Variants in NAA38 observed in about 807,000 individuals in gnomAD.
The protein encoded by NAA38 is LSM domain containing 1.
NAA38 carries 15 observed loss-of-function variants against 12.6 expected under a neutral mutation model. That is an observed-to-expected ratio of 1.19 (90% CI 0.79 to 1.83). NAA38 has a LOEUF of 1.83. NAA38 is among the 40% of genes most tolerant of loss of function. The pLI, the probability that NAA38 is intolerant of heterozygous loss-of-function variation, is 0.00. For missense variants in NAA38, 183 were observed against 171.7 expected, an observed-to-expected ratio of 1.07 and a Z score of -0.37; for synonymous variants, 88 against 69.9, an observed-to-expected ratio of 1.26 and a Z score of -1.29.
At chr17:7,883,396 A>T (rs1418079576) in intron 1 of NAA38, 1 of 152,198 alleles carries the variant, frequency 6.6e-6, no homozygotes, top group South Asian at 2.1e-4. Flanking sequence ...TTTCCTCTTT[A>T]TCCTAAAAAT....
At chr17:7,867,323 A>AATT (rs61184511) in intron 2 of NAA38, among the ~76,000 whole-genome samples, 2 of 151,134 alleles carry the variant, frequency 1.3e-5, no homozygotes, top group Non-Finnish European at 2.9e-5. Context: ...TATAGTGTAC[A>AATT]GAGTTAAGTG....
chr17:7,877,144 G>T, intron 2 of NAA38: 1 of 318,706 alleles, frequency 3.1e-6, no homozygotes, highest in South Asian at 2.3e-5. Context: ...CGTAATCAAT[G>T]AAGCTACTTA....
intron 2 of NAA38, among the ~76,000 whole-genome samples, chr17:7,876,328 C>T (rs545494511): frequency 6.6e-6 from 1 of 152,182 alleles, no homozygotes; most frequent in Non-Finnish European, 1.5e-5. Flanking sequence ...ACTTGAACAA[C>T]TTGTTTTTCT....
upstream of NAA38, chr17:7,857,580 C>A (rs1029117624): frequency 1.7e-5 from 24 of 1,394,382 alleles, no homozygotes; most frequent in Non-Finnish European, 2.1e-5. Flanking sequence ...CTCTCCTCCC[C>A]CTCCTAGTCT....
upstream of NAA38, chr17:7,885,305 C>T (rs1280265178): frequency 2.2e-4 from 41 of 188,112 alleles, no homozygotes; most frequent in Admixed American, 4.5e-4. Context: ...CCGCACCCCT[C>T]CCCCGCCGCC....
At chr17:7,858,990 G>A, upstream of NAA38, 2 of 620,986 alleles carry the variant, frequency 3.2e-6, no homozygotes. Context: ...CCAGGGTTGG[G>A]AATTCTAGGA....
upstream of NAA38, chr17:7,859,703 C>A: frequency 8.5e-7 from 1 of 1,181,392 alleles, no homozygotes; most frequent in South Asian, 1.3e-5. Context: ...CCGAGGGGTG[C>A]CTGGACCCAG....
chr17:7,857,279 G>T, intron 1 of NAA38, 81 bp from the exon 2 acceptor site: 1 of 1,610,306 alleles, frequency 6.2e-7, no homozygotes, highest in Non-Finnish European at 8.5e-7. Flanking sequence ...CAGCCCGCGG[G>T]GCACTCACAC....
In NAA38 at chr17:7,856,844, C is replaced by A. The variant is rs1367610199; in HGVS notation, c.266-1G>T. 6.2e-7 allele frequency: 1 copy of A among 1,613,580 alleles called. No individual in the cohort carries two copies. Among genetic ancestry groups the A allele is most frequent in the Admixed American group, 1.7e-5 (1 of 60,018 alleles). On this transcript the variant is annotated splice_acceptor_variant, in intron 2 of 2. Transcript: ENST00000575771. LOFTEE classifies it high-confidence loss of function. Reference sequence around the variant, plus strand: ...CGGGGCTCCCCGGCAGAGAAGGAATCTGGAAAGAAGGATCAGAGCATCAGG... The same window carrying A: ...CGGGGCTCCCCGGCAGAGAAGGAATATGGAAAGAAGGATCAGAGCATCAGG...
intron 3 of NAA38, chr17:7,865,877 G>A (rs929538099): frequency 3.9e-5 from 6 of 152,092 alleles, no homozygotes; most frequent in African/African-American, 1.4e-4. Context: ...GAAAGCCTAG[G>A]TTGGAATCTT....
chr17:7,880,252 T>A (rs1403701513), intron 2 of NAA38, among the ~76,000 whole-genome samples: 1 of 149,022 alleles, frequency 6.7e-6, no homozygotes, highest in East Asian at 2.0e-4. Context: ...AGAATAGAGA[T>A]CAAGACAGAC....
chr17:7,876,003 C>A (rs747549501), intron 2 of NAA38, among the ~76,000 whole-genome samples: 6 of 152,096 alleles, frequency 3.9e-5, no homozygotes, highest in Non-Finnish European at 7.4e-5. Flanking sequence ...AATAATATTC[C>A]ATTGTATGGA....
rs534463427 is a variant in NAA38 at position 7,866,397 on chromosome 17, T to C, written c.3+94A>G. 7.3e-4 allele frequency: 778 copies of C among 1,060,580 alleles called. 1 individual carries two copies. Among genetic ancestry groups the C allele is most frequent in the Admixed American group, 1.6e-3 (38 of 23,438 alleles). The allele number at this position is 1,060,580 out of a possible 1,614,324, so 65.7% of individuals were successfully genotyped here. ...TGCTGGAATTACAGGTGTGAGCCAT[T>C]GCGCCCGGCCGCCACGGGGAACTTT... is the stretch of plus-strand genomic sequence containing the variant. On this transcript the variant is annotated intron_variant, in intron 3 of 4. Transcript: ENST00000576861.
At chr17:7,883,466 G>A (rs1967350622) in intron 1 of NAA38, 1 of 152,042 alleles carries the variant, frequency 6.6e-6, no homozygotes, top group Non-Finnish European at 1.5e-5. Context: ...TCTAACAATT[G>A]GAGGAGGGGA....
chr17:7,882,576 G>C (rs1173660521), intron 2 of NAA38, among the ~76,000 whole-genome samples: 2 of 152,002 alleles, frequency 1.3e-5, no homozygotes, highest in African/African-American at 4.8e-5. Flanking sequence ...GAGGGACAGA[G>C]AAAGAAGACA....
At chr17:7,884,457 C>CATATACATAT (rs2048987083) in intron 1 of NAA38, among the ~76,000 whole-genome samples, 2 of 130,834 alleles carry the variant, frequency 1.5e-5, no homozygotes, top group South Asian at 2.5e-4. Context: ...TATATATATA[C>CATATACATAT]ATATATATAT....
chr17:7,884,909 G>T, intron 1 of NAA38: 1 of 1,418,850 alleles, frequency 7.0e-7, no homozygotes. Flanking sequence ...GGAGGAGGAG[G>T]AGGTGGAGGC....
At chr17:7,884,095 C>CACACACA (rs3222385) in intron 1 of NAA38, among the ~76,000 whole-genome samples, 1 of 150,854 alleles carries the variant, frequency 6.6e-6, no homozygotes, top group Non-Finnish European at 1.5e-5. Context: ...CACACACACA[C>CACACACA]TTCAGTACAC....
intron 1 of NAA38, 67 bp downstream of exon 1, chr17:7,857,316 A>G (rs1388905489): frequency 6.2e-7 from 1 of 1,612,452 alleles, no homozygotes; most frequent in South Asian, 1.1e-5. Context: ...CGGGAGCTGC[A>G]GTTCCCCACC....
Sources: gnomAD v4.1 joint callset for allele counts (sites outside exome capture counted in the v4.1 genomes callset) on GRCh38, gnomAD v4.1.1 for gene constraint, MANE v1.5 for transcripts, NCBI Gene and HGNC (gene_info 2026-07-23, HGNC 2026-07-21) for gene names.